CDH4: variants seen among roughly 807,000 people sequenced by gnomAD.
CDH4 encodes the protein cadherin 4.
In CDH4, 33 loss-of-function variants were observed where a neutral mutation model predicts 86.0. The ratio of observed to expected loss-of-function variants is 0.38; its 90% CI spans 0.29 to 0.51. CDH4 has a LOEUF of 0.51. CDH4 is among the 20% of genes least tolerant of loss of function. The pLI, the probability that CDH4 is intolerant of heterozygous loss-of-function variation, is 0.86. For synonymous variants in CDH4, 555 were observed against 549.4 expected (o/e 1.01, Z -0.14); for missense variants, 1,114 against 1,307.4 (o/e 0.85, Z 2.28).
intron 3 of CDH4, among the ~76,000 whole-genome samples, chr20:61,757,654 T>C (rs1210713779): frequency 1.3e-5 from 2 of 152,182 alleles, no homozygotes; most frequent in South Asian, 2.1e-4. Flanking sequence ...AGGGTCACTG[T>C]CCCAAGAAGA....
At chr20:61,585,951 GGAGGATGAT>G (rs2086467608) in intron 2 of CDH4, among the ~76,000 whole-genome samples, 1 of 147,792 alleles carries the variant, frequency 6.8e-6, no homozygotes, top group African/African-American at 2.5e-5. Context: ...GTGGTGATGA[GGAGGATGAT>G]GGTGATGGTG....
chr20:61,508,634 C>T (rs1212276430), intron 2 of CDH4, among the ~76,000 whole-genome samples: 1 of 152,230 alleles, frequency 6.6e-6, no homozygotes, highest in Admixed American at 6.5e-5. Flanking sequence ...AGGGGGCATC[C>T]AAGTGGCTTC....
At chr20:61,457,342 A>G (rs1054038042) in intron 2 of CDH4, among the ~76,000 whole-genome samples, 6 of 152,170 alleles carry the variant, frequency 3.9e-5, no homozygotes, top group African/African-American at 1.4e-4. Context: ...TCCTTCAGAT[A>G]ACTCTGTTAA....
chr20:61,364,565 G>A, intron 2 of CDH4, among the ~76,000 whole-genome samples: 1 of 152,178 alleles, frequency 6.6e-6, no homozygotes, highest in Non-Finnish European at 1.5e-5. Context: ...GGACCTTGAG[G>A]TCCACCTAGC....
intron 7 of CDH4, among the ~76,000 whole-genome samples, chr20:61,877,126 C>T (rs996751414): frequency 6.6e-6 from 1 of 152,162 alleles, no homozygotes; most frequent in Non-Finnish European, 1.5e-5. Context: ...CATGTCAAGG[C>T]CCGTGATAGG....
intron 2 of CDH4, among the ~76,000 whole-genome samples, chr20:61,386,205 G>T (rs984772214): frequency 6.6e-6 from 1 of 152,168 alleles, no homozygotes; most frequent in Non-Finnish European, 1.5e-5. Context: ...GAGGTCTTCA[G>T]CCCCTGTGGG....
chr20:61,777,744 A>G (rs1371319402), intron 4 of CDH4, among the ~76,000 whole-genome samples: 1 of 150,466 alleles, frequency 6.6e-6, no homozygotes, highest in Non-Finnish European at 1.5e-5. Context: ...ACAAAAACAC[A>G]CACCCACATG....
chr20:61,304,475 G>T (rs2084404218), intron 2 of CDH4, among the ~76,000 whole-genome samples: 1 of 152,072 alleles, frequency 6.6e-6, no homozygotes, highest in African/African-American at 2.4e-5. Context: ...GACGCCTTTG[G>T]TCGTGTTGTG....
rs538292893 is a variant in CDH4 at position 61,393,956 on chromosome 20, C to A, written c.169+139019C>A. ...AATGACTGCCCCATATTCTATTATA[C>A]CAATGTAATCTAATAACATTGCTCT... is the stretch of plus-strand genomic sequence containing the variant. On this transcript the variant is annotated intron_variant, in intron 2 of 15. Transcript: ENST00000614565. This position sits in a 1 kb window ranked among gnomAD's most constrained non-coding sequence, Gnocchi z 4.3. 2.5e-3 allele frequency among the ~76,000 whole-genome samples: 379 copies of A among 152,228 alleles called. 2 individuals are homozygous for A. The highest frequency in any genetic ancestry group is 8.8e-3 in the African/African-American group (364 of 41,520).
chr20:61,908,232 C>T (rs1377886364), intron 8 of CDH4, among the ~76,000 whole-genome samples: 2 of 152,218 alleles, frequency 1.3e-5, no homozygotes, highest in South Asian at 2.1e-4. Context: ...GTCGCGTCGC[C>T]GTCCTTTTTA....
At chr20:61,809,833 G>A (rs1373033565) in intron 4 of CDH4, among the ~76,000 whole-genome samples, 1 of 152,206 alleles carries the variant, frequency 6.6e-6, no homozygotes, top group African/African-American at 2.4e-5. Flanking sequence ...CAGGTGTCTA[G>A]AGTGAGGACG....
chr20:61,534,809 G>T (rs1258554637), intron 2 of CDH4, among the ~76,000 whole-genome samples: 1 of 120,452 alleles, frequency 8.3e-6, no homozygotes, highest in Non-Finnish European at 1.8e-5. Context: ...TCCTCAACCC[G>T]ACGGCCTCCC....
At chr20:61,383,058 T>C (rs1005679375) in intron 2 of CDH4, among the ~76,000 whole-genome samples, 1 of 138,898 alleles carries the variant, frequency 7.2e-6, no homozygotes, top group Non-Finnish European at 1.5e-5. Flanking sequence ...ATGGAATATA[T>C]ATAATTCATA....
chr20:61,925,632 G>A (rs8120034), intron 11 of CDH4, among the ~76,000 whole-genome samples: 53,823 of 152,156 alleles, frequency 0.35, 9,861 homozygotes, highest in Non-Finnish European at 0.4. Context: ...CTGACAGCCC[G>A]AGTGTGTCGG....
At chr20:61,931,200 T>C (rs1243943688) in intron 13 of CDH4, among the ~76,000 whole-genome samples, 3 of 152,244 alleles carry the variant, frequency 2.0e-5, no homozygotes, top group African/African-American at 7.2e-5. Flanking sequence ...AGCTGACCTC[T>C]TCAAAGGTTC....
At chr20:61,920,082 G>C (rs1320870087) in intron 9 of CDH4, among the ~76,000 whole-genome samples, 26 of 50,960 alleles carry the variant, frequency 5.1e-4, no homozygotes, top group Middle Eastern at 0.014. Context: ...TGGTGTCACG[G>C]TGATTGCGTG....
At chr20:61,464,682 C>T (rs576519373) in intron 2 of CDH4, among the ~76,000 whole-genome samples, 11 of 152,170 alleles carry the variant, frequency 7.2e-5, no homozygotes, top group Non-Finnish European at 1.3e-4. Flanking sequence ...GGATCCGGTC[C>T]TATTAACAGC....
chr20:61,374,711 A>G (rs1284667699), intron 2 of CDH4, among the ~76,000 whole-genome samples: 2 of 152,208 alleles, frequency 1.3e-5, no homozygotes, highest in Non-Finnish European at 2.9e-5. Context: ...ACATGCCTCC[A>G]GGGCTCTCTA....
intron 6 of CDH4, among the ~76,000 whole-genome samples, chr20:61,859,595 G>A (rs1983225660): frequency 6.6e-6 from 1 of 152,208 alleles, no homozygotes; most frequent in African/African-American, 2.4e-5. Context: ...AGATCCAGGT[G>A]TATTTTTTGC....
Sources: gnomAD v4.1 joint callset for allele counts (sites outside exome capture counted in the v4.1 genomes callset) on GRCh38, gnomAD v4.1.1 for gene constraint, Gnocchi (gnomAD v3.1) non-coding constraint, MANE v1.5 for transcripts, NCBI Gene and HGNC (gene_info 2026-07-23, HGNC 2026-07-21) for gene names.